OSBPL3: variants seen among roughly 807,000 people sequenced by gnomAD.
OSBPL3 encodes oxysterol-binding protein-related protein 3.
Under a neutral mutation model 120.1 loss-of-function variants are expected in OSBPL3, and 65 were observed. That is an observed-to-expected ratio of 0.54 (90% confidence interval 0.44 to 0.67). The LOEUF (loss-of-function observed/expected upper bound fraction) is 0.67. Ranked by LOEUF, OSBPL3 falls within the 30% of genes least tolerant of loss-of-function variation. The pLI is 0.00. For synonymous variants in OSBPL3, 416 were observed against 402.6 expected (o/e 1.03, Z -0.40); for missense variants, 1,004 against 1,082.1 (o/e 0.93, Z 1.01).
intron 1 of OSBPL3, among the ~76,000 whole-genome samples, chr7:24,902,406 C>A (rs1030758350): frequency 6.6e-6 from 1 of 152,108 alleles, no homozygotes; most frequent in Non-Finnish European, 1.5e-5. Flanking sequence ...ATTGCACACA[C>A]AAAAACACAC....
intron 1 of OSBPL3, among the ~76,000 whole-genome samples, chr7:24,934,212 TC>T (rs956086020): frequency 2.0e-5 from 3 of 152,220 alleles, no homozygotes; most frequent in Non-Finnish European, 4.4e-5. Context: ...TATGGCATGT[TC>T]AACACTGATC....
At position 24,817,061 on chromosome 7, in the gene OSBPL3, T is replaced by C. The variant is rs1366406045; in HGVS notation, c.1949-373A>G. Among the ~76,000 whole-genome samples the C allele has an allele frequency of 1.3e-5, 2 of 152,128 alleles. No individual in the cohort carries two copies. Among genetic ancestry groups the C allele is most frequent in the Non-Finnish European group, 2.9e-5 (2 of 68,020 alleles). Reference sequence around the variant, plus strand: ...GGCTTGTCAGAAAGGGCCATCTAAATGGGGCTTTGAGGAATAAGCAGGAGT... The same window carrying C: ...GGCTTGTCAGAAAGGGCCATCTAAACGGGGCTTTGAGGAATAAGCAGGAGT... On this transcript the variant is annotated intron_variant, in intron 17 of 22. Coordinates refer to ENST00000313367, the MANE Select transcript of OSBPL3 (RefSeq NM_015550.4). This position sits in a 1 kb window ranked among gnomAD's most constrained non-coding sequence, Gnocchi z 4.0.
In OSBPL3 at chr7:24,861,737, T is replaced by C. The variant is rs1205155339; in HGVS notation, c.903A>G (p.Leu301=). 10 of 1,607,378 alleles carry C rather than the reference T, an allele frequency of 6.2e-6. No homozygotes were observed. Among genetic ancestry groups the C allele is most frequent in the Non-Finnish European group, 8.5e-6 (10 of 1,177,168 alleles). ...VPKPFSGPVR[L]HSSNPNLSTL... Reference sequence around the variant, plus strand: ...TTGACAAATTAGGATTGGAGGAGTGTAGTCTTACTGGGCCAGAAAAAGGTT... The same window carrying C: ...TTGACAAATTAGGATTGGAGGAGTGCAGTCTTACTGGGCCAGAAAAAGGTT... Residue 301 remains leucine, a synonymous_variant, in exon 10 of 23, where the codon CTA becomes CTG. Transcript: ENST00000313367.
rs2285691 is a variant in OSBPL3, at chr7:24,863,488, C to G, written c.777+8G>C. 0.36 allele frequency: 572,612 copies of G among 1,602,530 alleles called. 114,293 individuals carry two copies. The highest frequency in any genetic ancestry group is 0.78 in the East Asian group (34,808 of 44,792). On this transcript the variant is annotated splice_region_variant and intron_variant, in intron 8 of 22. Coordinates refer to ENST00000313367, the MANE Select transcript of OSBPL3 (RefSeq NM_015550.4). The surrounding 1 kb of genome is among the most constrained non-coding windows in gnomAD (Gnocchi z 5.8). ...CCAGAATGTCAACAGAAGAGGAGTC[C>G]GGCTCACCTGGATGGCGTTGATAGC...
At chr7:24,910,106 G>A (rs968104078) in intron 1 of OSBPL3, among the ~76,000 whole-genome samples, 2 of 151,998 alleles carry the variant, frequency 1.3e-5, no homozygotes, top group Non-Finnish European at 2.9e-5. Flanking sequence ...GTGGCTGGCC[G>A]AAAGCTACTA....
chr7:24,842,664 C>G (rs149634506), intron 12 of OSBPL3, among the ~76,000 whole-genome samples: 2,690 of 152,318 alleles, frequency 0.018, 24 homozygotes, highest in African/African-American at 0.033. Flanking sequence ...CAAAAAACAA[C>G]TGTCCAGGTC....
intron 12 of OSBPL3, among the ~76,000 whole-genome samples, chr7:24,845,164 CCT>C (rs928909740): frequency 1.3e-5 from 2 of 151,754 alleles, no homozygotes; most frequent in Non-Finnish European, 2.9e-5. Context: ...AGTAAGGAAA[CCT>C]CTGTTTTTTC....
rs962552452 is a variant in OSBPL3, at chr7:24,806,108, C to T, written c.2444+668G>A. On this transcript the variant is annotated intron_variant, in intron 21 of 22. Transcript: ENST00000313367. This position sits in a 1 kb window ranked among gnomAD's most constrained non-coding sequence, Gnocchi z 5.2. ...AGTAGTTGGGACTACGGGCATGTGC[C>T]ACCACGCCTGGCTAATTTTTGTATT... Among the ~76,000 whole-genome samples, 9 of 152,170 alleles carry T rather than the reference C, an allele frequency of 5.9e-5. No individual in the cohort carries two copies. Among genetic ancestry groups the T allele is most frequent in the African/African-American group, 1.9e-4 (8 of 41,434 alleles).
Position 24,880,156 on chromosome 7 carries a change from T to C in OSBPL3, c.97-8087A>G, listed in dbSNP as rs537596918. On this transcript the variant is annotated intron_variant, in intron 2 of 22. Transcript: ENST00000313367. ...AGTGACAACTACTATTTTTTTAATA[T>C]ATGTACCTTGTGGTGATTCTATAAT... Among the ~76,000 whole-genome samples the C allele has an allele frequency of 3.3e-5, 5 of 152,318 alleles. No individual in the cohort carries two copies. The South Asian group carries it at 1.0e-3, about 32-fold the overall frequency.
chr7:24,908,841 C>G (rs1044731185), intron 1 of OSBPL3, among the ~76,000 whole-genome samples: 1 of 152,186 alleles, frequency 6.6e-6, no homozygotes, highest in Non-Finnish European at 1.5e-5. Context: ...TCCTTCCCAT[C>G]AAATTTCAGT....
rs574292844 is a variant in OSBPL3, at chr7:24,842,560, C to G, written c.1267-147G>C. On this transcript the variant is annotated intron_variant, in intron 12 of 22. Coordinates refer to ENST00000313367, the MANE Select transcript of OSBPL3 (RefSeq NM_015550.4). ...AGAAGTCAGCTCCAACACTGAGATG[C>G]GAGCCTCATGCAAAACACAAAAGTT... 7 of 636,664 alleles carry G rather than the reference C, an allele frequency of 1.1e-5. No homozygotes were observed. The East Asian group carries it at 1.9e-4, about 18-fold the overall frequency. The allele number at this position is 636,664 out of a possible 1,614,324, so 39.4% of individuals were successfully genotyped here. A position where few individuals can be genotyped will look rare whatever the true frequency, so the allele number is the denominator to read the frequency against.
chr7:24,834,234 AC>A lies in OSBPL3; in HGVS notation c.1746+251del, dbSNP rs1796717541. The A allele has an allele frequency of 3.3e-6, 4 of 1,219,344 alleles. No homozygotes were observed. The South Asian group carries it at 1.2e-4, about 38-fold the overall frequency. The allele number at this position is 1,219,344 out of a possible 1,614,324, so 75.5% of individuals were successfully genotyped here. ...GCTTCTGGAGAAAGAGGAAGCACAA[AC>A]CCACAGAACAGAACTACCCCAGGCA... On this transcript the variant is annotated intron_variant, in intron 15 of 22. Transcript: ENST00000313367. This position sits in a 1 kb window ranked among gnomAD's most constrained non-coding sequence, Gnocchi z 5.2.
rs1554401147 is a variant in OSBPL3, at chr7:24,904,960, TGA to T, written c.-149-12341_-149-12340del. ...GTGTGTGTGTGTGTGTGTGTGTGTG[TGA>T]ATAAAGTTAAGAGGAACTAGAACAG... On this transcript the variant is annotated intron_variant, in intron 1 of 22. Transcript: ENST00000313367. Among the ~76,000 whole-genome samples the T allele has an allele frequency of 9.2e-4, 134 of 146,060 alleles. 1 individual carries two copies. Among genetic ancestry groups the T allele is most frequent in the Non-Finnish European group, 1.1e-3 (75 of 66,258 alleles).
At chr7:24,902,626 A>G (rs1317353607) in intron 1 of OSBPL3, among the ~76,000 whole-genome samples, 1 of 122,940 alleles carries the variant, frequency 8.1e-6, no homozygotes, top group African/African-American at 2.9e-5. Context: ...TTGCTATTCA[A>G]AACGGCCACA....
chr7:24,834,601 G>C lies in OSBPL3; in HGVS notation c.1631C>G (p.Ala544Gly). The C allele has an allele frequency of 6.2e-7, 1 of 1,614,180 alleles. No individual in the cohort carries two copies. Among genetic ancestry groups the C allele is most frequent in the African/African-American group, 1.3e-5 (1 of 75,046 alleles). ...GGGCTCGTTCAGCTCCACCGGCATGGCCACCTTGGACAGGTCCTTCCCGAT... is the reference window on the plus strand; with the variant it reads ...GGGCTCGTTCAGCTCCACCGGCATGCCCACCTTGGACAGGTCCTTCCCGAT... ...NNIGKDLSKV[A>G]MPVELNEPLN... The change falls in exon 15 of 23, where the codon GCC (alanine) becomes GGC (glycine). Residue 544 changes from alanine to glycine, a missense_variant. Coordinates refer to ENST00000313367, the MANE Select transcript of OSBPL3 (RefSeq NM_015550.4). The surrounding 1 kb of genome is among the most constrained non-coding windows in gnomAD (Gnocchi z 5.2).
At chr7:24,917,314 C>G (rs1244313680) in intron 1 of OSBPL3, among the ~76,000 whole-genome samples, 1 of 150,252 alleles carries the variant, frequency 6.7e-6, no homozygotes, top group Non-Finnish European at 1.5e-5. Context: ...ACCATACAGA[C>G]TGCGCAATAC....
rs1056450936 is a variant in OSBPL3, at chr7:24,883,897, T to G, written c.96+8480A>C. Reference sequence around the variant, plus strand: ...CTCAGAGTGGAAATATATTGAGAGCTCAGTCTTATTTCTTCAGCCTTCCTG... The same window carrying G: ...CTCAGAGTGGAAATATATTGAGAGCGCAGTCTTATTTCTTCAGCCTTCCTG... On this transcript the variant is annotated intron_variant, in intron 2 of 22. Coordinates refer to ENST00000313367, the MANE Select transcript of OSBPL3 (RefSeq NM_015550.4). The surrounding 1 kb of genome is among the most constrained non-coding windows in gnomAD (Gnocchi z 5.4). Among the ~76,000 whole-genome samples the G allele has an allele frequency of 2.6e-5, 4 of 152,198 alleles. No homozygotes were observed. Among genetic ancestry groups the G allele is most frequent in the African/African-American group, 9.7e-5 (4 of 41,442 alleles).
At position 24,940,625 on chromosome 7, in the gene OSBPL3, C is replaced by T. The variant is rs1254652890; in HGVS notation, c.-150+39261G>A. ...ACCAGTGTTTGGCCACTGGAGCGGG[C>T]GGCTGAGGTGGTATGGGAGGTACCT... On this transcript the variant is annotated intron_variant, in intron 1 of 22. Coordinates refer to ENST00000313367, the MANE Select transcript of OSBPL3 (RefSeq NM_015550.4). The surrounding 1 kb of genome is among the most constrained non-coding windows in gnomAD (Gnocchi z 4.4). 2.0e-5 allele frequency among the ~76,000 whole-genome samples: 3 copies of T among 151,902 alleles called. No individual in the cohort carries two copies. Among genetic ancestry groups the T allele is most frequent in the Non-Finnish European group, 2.9e-5 (2 of 67,978 alleles).
At position 24,865,473 on chromosome 7, in the gene OSBPL3, A is replaced by T; in HGVS notation, c.550-8T>A. 5 of 1,612,780 alleles carry T rather than the reference A, an allele frequency of 3.1e-6. No individual in the cohort carries two copies. The highest frequency in any genetic ancestry group is 4.2e-6 in the Non-Finnish European group (5 of 1,179,328). On this transcript the variant is annotated splice_polypyrimidine_tract_variant and splice_region_variant and intron_variant, in intron 6 of 22. Transcript: ENST00000313367. The stretch of plus-strand genomic sequence containing the variant: ...CTTTGATATACTGCTACGCTGTTCC[A>T]CGGATGACAAAAGCACATTGTAAAT...
Sources: allele counts gnomAD v4.1 joint callset (sites outside exome capture counted in the v4.1 genomes callset), GRCh38; gene constraint gnomAD v4.1.1; non-coding constraint Gnocchi (gnomAD v3.1); transcripts MANE v1.5; gene names NCBI Gene and HGNC (gene_info 2026-07-23, HGNC 2026-07-21).